The following RHD variants were observed in gnomAD, a reference collection of about 807,000 sequenced individuals.
RHD encodes the protein blood group Rh(D) polypeptide.
A neutral mutation model predicts 45.5 loss-of-function variants in RHD; 16 were observed. The ratio of observed to expected loss-of-function variants is 0.35; its 90% CI spans 0.24 to 0.53. The LOEUF (loss-of-function observed/expected upper bound fraction) is 0.53. Among genes scored for constraint, RHD ranks in the 20% least tolerant of loss-of-function variants. The probability of loss-of-function intolerance (pLI) is 0.92; values close to 1 mark genes in which losing one functional copy is unlikely to be tolerated. For synonymous variants in RHD, 131 were observed against 217.5 expected, an observed-to-expected ratio of 0.60 and a Z score of 3.50; for missense variants, 306 against 532.0, an observed-to-expected ratio of 0.58 and a Z score of 4.18.
rs1335619120 is a variant in RHD, at chr1:25,303,212, G to T, written c.802-110G>T. 604 of 1,021,082 alleles carry T rather than the reference G, an allele frequency of 5.9e-4. 131 individuals are homozygous for T. Among genetic ancestry groups the T allele is most frequent in the Non-Finnish European group, 5.7e-4 (379 of 667,880 alleles). 63.3% of individuals were successfully genotyped at this position (1,021,082 alleles called of 1,614,324 possible). On this transcript the variant is annotated intron_variant, in intron 5 of 9. Transcript: ENST00000328664. ...GAGAAGTGGTTTCAGGATCAGCAAAGCAGGGAGGATGTTACAGGGTTGCCT... is the reference window on the plus strand; with the variant it reads ...GAGAAGTGGTTTCAGGATCAGCAAATCAGGGAGGATGTTACAGGGTTGCCT...
At chr1:25,277,768 A>T (rs1641139781) in intron 1 of RHD, among the ~76,000 whole-genome samples, 1 of 120,382 alleles carries the variant, frequency 8.3e-6, no homozygotes, top group African/African-American at 2.8e-5. Flanking sequence ...TCCACCTCCC[A>T]GGTTCAAGTA....
intron 2 of RHD, 91 bp downstream of exon 2, chr1:25,284,850 C>G (rs1380269574): frequency 5.0e-6 from 6 of 1,196,162 alleles, no homozygotes; most frequent in Non-Finnish European, 6.1e-6. Context: ...ATTGCCCCCT[C>G]TCTGTCTAGC....
At chr1:25,311,009 T>C (rs1644116846) in intron 7 of RHD, among the ~76,000 whole-genome samples, 1 of 128,044 alleles carries the variant, frequency 7.8e-6, no homozygotes, top group Admixed American at 7.6e-5. Context: ...GAATGGAGCA[T>C]TAAAGACAGT....
chr1:25,284,382 C>G (rs1641770297), intron 1 of RHD, among the ~76,000 whole-genome samples, 191 bp from the exon 2 acceptor site: 2 of 135,736 alleles, frequency 1.5e-5, no homozygotes, highest in Admixed American at 7.1e-5. Context: ...TATCCCCACA[C>G]GGCATGTTAT....
chr1:25,286,718 G>A (rs1356479915), intron 2 of RHD, among the ~76,000 whole-genome samples: 3 of 133,536 alleles, frequency 2.2e-5, no homozygotes, highest in East Asian at 1.9e-4. Context: ...CCCGGGAGGC[G>A]GAGTTTGCAG....
chr1:25,296,301 C>T (rs113650350), intron 3 of RHD, among the ~76,000 whole-genome samples: 3 of 126,354 alleles, frequency 2.4e-5, no homozygotes, highest in Admixed American at 2.3e-4. Flanking sequence ...GGCTGGAGTG[C>T]GGTGGTGTGA....
chr1:25,301,538 T>C lies in RHD; in HGVS notation c.653T>C (p.Met218Thr), dbSNP rs1215213006. ...CCCCCAGGCGCCCTCTTCTTGTGGA[T>C]GTTCTGGCCAAGTTTCAACTCTGCT... Reference protein sequence around the residue: ...SAMLGALFLWMFWPSFNSALL... With the variant: ...SAMLGALFLWTFWPSFNSALL... The change falls in exon 5 of 10, where the codon ATG becomes ACG. Residue 218 changes from methionine (M) to threonine (T), a missense_variant. By Grantham distance (81) the Met-to-Thr change is moderately conservative. Coordinates refer to ENST00000328664, the MANE Select transcript of RHD (RefSeq NM_016124.6). 7.3e-7 allele frequency: 1 copy of C among 1,378,698 alleles called. No individual in the cohort carries two copies. Among genetic ancestry groups the C allele is most frequent in the Non-Finnish European group, 1.0e-6 (1 of 978,830 alleles). The allele number at this position is 1,378,698 out of a possible 1,614,324, so 85.4% of individuals were successfully genotyped here.
At chr1:25,291,447 G>A (rs575011757) in intron 3 of RHD, among the ~76,000 whole-genome samples, 2 of 130,628 alleles carry the variant, frequency 1.5e-5, no homozygotes, top group South Asian at 4.7e-4. Flanking sequence ...GCAGCCTGGG[G>A]GACAAGAGCA....
Position 25,286,275 on chromosome 1 carries a change from G to A in RHD, c.335+1516G>A, listed in dbSNP as rs1034896435. 4.4e-5 allele frequency among the ~76,000 whole-genome samples: 6 copies of A among 135,396 alleles called. 1 individual carries two copies. The highest frequency in any genetic ancestry group is 1.5e-4 in the African/African-American group (6 of 39,254). 88.8% of individuals were successfully genotyped at this position (135,396 alleles called of 152,430 possible). On this transcript the variant is annotated intron_variant, in intron 2 of 9. Coordinates refer to ENST00000328664, the MANE Select transcript of RHD (RefSeq NM_016124.6). The stretch of plus-strand genomic sequence containing the variant: ...GAACCGAGGTGGGCAGATCACTTGA[G>A]CCCAGAAGTTTAAGACCAGCCTGAC...
In RHD at chr1:25,302,396, G is replaced by C. The variant is rs1557542750; in HGVS notation, c.801+710G>C. The stretch of plus-strand genomic sequence containing the variant: ...GTGGGGCTCGGGTGGGAGGCACTGG[G>C]GGGGCTGGAGTGGAAAGAATGTGGC... On this transcript the variant is annotated intron_variant, in intron 5 of 9. Transcript: ENST00000328664. Among the ~76,000 whole-genome samples the C allele has an allele frequency of 1.6e-5, 2 of 128,492 alleles. 1 individual carries two copies. The highest frequency in any genetic ancestry group is 3.7e-5 in the Non-Finnish European group (2 of 54,624). The allele number at this position is 128,492 out of a possible 152,430, so 84.3% of individuals were successfully genotyped here. A position where few individuals can be genotyped will look rare whatever the true frequency, so the allele number is the denominator to read the frequency against.
At position 25,276,537 on chromosome 1, in the gene RHD, A is replaced by C. The variant is rs1466484734; in HGVS notation, c.148+3842A>C. On this transcript the variant is annotated intron_variant, in intron 1 of 9. Coordinates refer to ENST00000328664, the MANE Select transcript of RHD (RefSeq NM_016124.6). ...GGGAGACCCCCCCCCATCTCTAAAA[A>C]AAAAAAAAAAAAAAAAAACTTTAAA... is the stretch of plus-strand genomic sequence containing the variant. 2.0e-3 allele frequency among the ~76,000 whole-genome samples: 236 copies of C among 115,916 alleles called. 42 individuals are homozygous for C. The highest frequency in any genetic ancestry group is 3.8e-3 in the Non-Finnish European group (192 of 49,978). The allele number at this position is 115,916 out of a possible 152,430, so 76.0% of individuals were successfully genotyped here. A position where few individuals can be genotyped will look rare whatever the true frequency, so the allele number is the denominator to read the frequency against.
At chr1:25,297,946 C>T (rs1363174345) in intron 3 of RHD, among the ~76,000 whole-genome samples, 1 of 131,488 alleles carries the variant, frequency 7.6e-6, no homozygotes, top group Admixed American at 7.4e-5. Context: ...GTAGTCTGTG[C>T]TCTCCATCTT....
At chr1:25,321,795 A>C in intron 8 of RHD, 94 bp from the exon 9 acceptor site, 1 of 657,260 alleles carries the variant, frequency 1.5e-6, no homozygotes, top group Non-Finnish European at 2.8e-6. Flanking sequence ...TTCTGTTGAG[A>C]TACTGTCGTT....
chr1:25,291,886 A>G lies in RHD; in HGVS notation c.486+1095A>G, dbSNP rs141048095. The stretch of plus-strand genomic sequence containing the variant: ...AACCTTCCCATCTCATAGGTGAGAA[A>G]GCTGATGCCTGGAGAGGGGAAGGGA... On this transcript the variant is annotated intron_variant, in intron 3 of 9. Coordinates refer to ENST00000328664, the MANE Select transcript of RHD (RefSeq NM_016124.6). 5.3e-5 allele frequency among the ~76,000 whole-genome samples: 7 copies of G among 132,708 alleles called. No individual in the cohort carries two copies. In the East Asian group the frequency reaches 9.8e-4, roughly 19 times the overall value. The allele number at this position is 132,708 out of a possible 152,430, so 87.1% of individuals were successfully genotyped here. A position where few individuals can be genotyped will look rare whatever the true frequency, so the allele number is the denominator to read the frequency against.
rs776413386 is a variant in RHD, at chr1:25,290,822, G to A, written c.486+31G>A. ...TCATGGTGCTGGGAGGAGGGACCTG[G>A]GAGAAAAGGGCCAAAAGCTCCATTT... On this transcript the variant is annotated intron_variant, in intron 3 of 9. Transcript: ENST00000328664. 3 of 1,372,982 alleles carry A rather than the reference G, an allele frequency of 2.2e-6. No individual in the cohort carries two copies. In the African/African-American group the frequency reaches 4.3e-5, roughly 20 times the overall value. The allele number at this position is 1,372,982 out of a possible 1,614,324, so 85.0% of individuals were successfully genotyped here.
rs1307492910 is a variant in RHD, at chr1:25,321,910, T to A, written c.1175T>A (p.Ile392Lys). 2.3e-6 allele frequency: 3 copies of A among 1,328,174 alleles called. No individual in the cohort carries two copies. Among genetic ancestry groups the A allele is most frequent in the African/African-American group, 2.8e-5 (2 of 70,418 alleles). 82.3% of individuals were successfully genotyped at this position (1,328,174 alleles called of 1,614,324 possible). A position where few individuals can be genotyped will look rare whatever the true frequency, so the allele number is the denominator to read the frequency against. The change falls in exon 9 of 10, where the codon ATA (isoleucine) becomes AAA (lysine). Residue 392 changes from isoleucine to lysine, a missense_variant. Physicochemically the swap from Ile to Lys is moderately radical, Grantham distance 102. Transcript: ENST00000328664. ...LLTGLLLNLK[I>K]WKAPHEAKYF... ...ACAGGTTTGCTCCTAAATCTTAAAA[T>A]ATGGAAAGCACCTCATGAGGCTAAA...
intron 7 of RHD, among the ~76,000 whole-genome samples, chr1:25,311,486 C>G (rs1472296269): frequency 2.3e-5 from 3 of 128,980 alleles, no homozygotes; most frequent in African/African-American, 7.9e-5. Flanking sequence ...GATCGCGCCA[C>G]TGCACTCCAG....
intron 3 of RHD, among the ~76,000 whole-genome samples, chr1:25,296,483 G>A (rs2124660306): frequency 8.2e-6 from 1 of 122,052 alleles, no homozygotes; most frequent in East Asian, 2.0e-4. Context: ...GGCCTCAGTT[G>A]ATCCACCTGT....
chr1:25,329,237 G>GATTT lies in RHD; in HGVS notation c.*313_*314insATTT. The GATTT allele has an allele frequency of 4.3e-6, 1 of 232,394 alleles. No individual in the cohort carries two copies. Among genetic ancestry groups the GATTT allele is most frequent in the Non-Finnish European group, 8.0e-6 (1 of 125,294 alleles). 14.4% of individuals were successfully genotyped at this position (232,394 alleles called of 1,614,324 possible). A position where few individuals can be genotyped will look rare whatever the true frequency, so the allele number is the denominator to read the frequency against. On this transcript the variant is annotated 3_prime_UTR_variant, in exon 10 of 10. Transcript: ENST00000328664. The stretch of plus-strand genomic sequence containing the variant: ...TAAGGTTAATTTATTATTATTCCTT[G>GATTT]TTTTTTTTTTTTTTTTTTTTTTTTT...
Sources: allele counts gnomAD v4.1 joint callset (sites outside exome capture counted in the v4.1 genomes callset), GRCh38; gene constraint gnomAD v4.1.1; transcripts MANE v1.5; gene names NCBI Gene and HGNC (gene_info 2026-07-23, HGNC 2026-07-21).